Variants in ALDH3A1 observed in about 807,000 individuals in gnomAD.
ALDH3A1 encodes aldehyde dehydrogenase 3 family member A1, also known as aldehyde dehydrogenase, dimeric NADP-preferring.
ALDH3A1 carries 46 observed loss-of-function variants against 49.9 expected under a neutral mutation model. The observed-to-expected ratio is 0.92, with a 90% confidence interval of 0.73 to 1.18. The LOEUF (loss-of-function observed/expected upper bound fraction) is 1.18, where lower values mean the gene tolerates loss of function less well. Among genes scored for constraint, ALDH3A1 ranks in the 50% most tolerant of loss-of-function variants. ALDH3A1 has a pLI of 0.00. For missense variants in ALDH3A1, 592 were observed against 611.8 expected, an observed-to-expected ratio of 0.97 and a Z score of 0.34; for synonymous variants, 269 against 253.3, an observed-to-expected ratio of 1.06 and a Z score of -0.59.
chr17:19,740,365 C>T lies in ALDH3A1; in HGVS notation c.920G>A (p.Gly307Asp), dbSNP rs1204043910. ...GTAGCGAGTGGCGGCATCCCCGGTG[C>T]CCCCATAAGCCACCTTCTGGCCCTC... ...LIEGQKVAYGGTGDAATRYIA... is the reference protein window; with the variant it reads ...LIEGQKVAYGDTGDAATRYIA... The change falls in exon 7 of 11, where the codon GGC becomes GAC. Residue 307 changes from glycine to aspartate, a missense_variant. Coordinates refer to ENST00000225740, the MANE Select transcript of ALDH3A1 (RefSeq NM_000691.5). 6.2e-7 allele frequency: 1 copy of T among 1,614,006 alleles called. No homozygotes were observed. Among genetic ancestry groups the T allele is most frequent in the South Asian group, 1.1e-5 (1 of 91,086 alleles).
Position 19,743,684 on chromosome 17 carries a change from GT to G in ALDH3A1, c.163-222del, listed in dbSNP as rs1172579022. 7.1e-6 allele frequency: 7 copies of G among 985,262 alleles called. No individual in the cohort carries two copies. The highest frequency in any genetic ancestry group is 8.4e-6 in the Non-Finnish European group (7 of 829,908). The allele number at this position is 985,262 out of a possible 1,614,324, so 61.0% of individuals were successfully genotyped here. A position where few individuals can be genotyped will look rare whatever the true frequency, so the allele number is the denominator to read the frequency against. Reference sequence around the variant, plus strand: ...TTCTGCCAGAGGGGGGCCCAGGTAGGTTTGCGGCCCCAGGGGAGAGAGCCGG... The same window carrying G: ...TTCTGCCAGAGGGGGGCCCAGGTAGGTTGCGGCCCCAGGGGAGAGAGCCGG... On this transcript the variant is annotated intron_variant, in intron 2 of 10. Coordinates refer to ENST00000225740, the MANE Select transcript of ALDH3A1 (RefSeq NM_000691.5). The surrounding 1 kb of genome is among the most constrained non-coding windows in gnomAD (Gnocchi z 4.4).
chr17:19,739,607 C>A lies in ALDH3A1; in HGVS notation c.1017G>T (p.Val339=), dbSNP rs766272845. The part of the protein sequence containing the change: ...PVMQEEIFGP[V]LPIVCVRSLE... Reference sequence around the variant, plus strand: ...GGCTGCGCACGCACACGATGGGCAGCACAGGCCCGAAGATCTCCTCTTGCA... The same window carrying A: ...GGCTGCGCACGCACACGATGGGCAGAACAGGCCCGAAGATCTCCTCTTGCA... The change falls in exon 8 of 11, where the codon GTG becomes GTT. Residue 339 remains valine, a synonymous_variant. Coordinates refer to ENST00000225740, the MANE Select transcript of ALDH3A1 (RefSeq NM_000691.5). 3.7e-6 allele frequency: 6 copies of A among 1,613,880 alleles called. No individual in the cohort carries two copies. The South Asian group carries it at 6.6e-5, about 18-fold the overall frequency.
At chr17:19,741,654 C>T (rs941102569) in intron 5 of ALDH3A1, among the ~76,000 whole-genome samples, 1 of 152,172 alleles carries the variant, frequency 6.6e-6, no homozygotes, top group Non-Finnish European at 1.5e-5. Context: ...CTCAGATTGC[C>T]CTGCCCCATC....
At position 19,745,188 on chromosome 17, in the gene ALDH3A1, C is replaced by T. The variant is rs2086579857; in HGVS notation, c.-5-54G>A. Reference sequence around the variant, plus strand: ...TGAGGGGCACGAGCGCGCCCTGCCTCCCACCCTGCCTGAATTCTATAGGAA... The same window carrying T: ...TGAGGGGCACGAGCGCGCCCTGCCTTCCACCCTGCCTGAATTCTATAGGAA... On this transcript the variant is annotated intron_variant, in intron 1 of 10. Coordinates refer to ENST00000225740, the MANE Select transcript of ALDH3A1 (RefSeq NM_000691.5). 2.7e-6 allele frequency: 4 copies of T among 1,496,114 alleles called. No homozygotes were observed. In the Admixed American group the frequency reaches 8.3e-5, roughly 31 times the overall value. The allele number at this position is 1,496,114 out of a possible 1,614,324, so 92.7% of individuals were successfully genotyped here. A position where few individuals can be genotyped will look rare whatever the true frequency, so the allele number is the denominator to read the frequency against.
rs930638393 is a variant in ALDH3A1, at chr17:19,738,082, C to T, written c.*139G>A. ...TGGGCCCATGTGGGAGTGGGGTGTG[C>T]ACAGGTCAGCAGGTCAGCAGAGGAG... On this transcript the variant is annotated 3_prime_UTR_variant, in exon 11 of 11. Transcript: ENST00000225740. 2 of 1,577,180 alleles carry T rather than the reference C, an allele frequency of 1.3e-6. No homozygotes were observed. The highest frequency in any genetic ancestry group is 1.8e-5 in the Admixed American group (1 of 55,992).
Position 19,740,351 on chromosome 17 carries a change from C to T in ALDH3A1, c.934G>A (p.Ala312Thr), listed in dbSNP as rs201594817. The change falls in exon 7 of 11, where the codon GCC (alanine) becomes ACC (threonine). Residue 312 changes from alanine (A) to threonine (T), a missense_variant. Physicochemically the swap from Ala to Thr is moderately conservative, Grantham distance 58. Transcript: ENST00000225740. The stretch of plus-strand genomic sequence containing the variant: ...GGTCACGCACCTATGTAGCGAGTGG[C>T]GGCATCCCCGGTGCCCCCATAAGCC... ...KVAYGGTGDA[A>T]TRYIAPTILT... 1.3e-5 allele frequency: 21 copies of T among 1,613,874 alleles called. No individual in the cohort carries two copies. The African/African-American group carries it at 2.0e-4, about 15-fold the overall frequency.
In ALDH3A1 at chr17:19,745,117, T is replaced by A; in HGVS notation, c.13A>T (p.Ser5Cys). Residue 5 changes from serine to cysteine, a missense_variant, in exon 2 of 11, where the codon AGC (serine) becomes TGC (cysteine). Ser to Cys is a moderately radical substitution (Grantham distance 112). Transcript: ENST00000225740. Reference sequence around the variant, plus strand: ...GCGCGGGCGCGCTTCACGGCCTCGCTGATCTTGCTCATGGCGCCTGGGGAC... The same window carrying A: ...GCGCGGGCGCGCTTCACGGCCTCGCAGATCTTGCTCATGGCGCCTGGGGAC... The part of the protein sequence containing the change: MSKI[S>C]EAVKRARAAF... 6.3e-7 allele frequency: 1 copy of A among 1,580,088 alleles called. No individual in the cohort carries two copies. The highest frequency in any genetic ancestry group is 1.4e-5 in the African/African-American group (1 of 73,364).
chr17:19,740,069 G>A, intron 7 of ALDH3A1: 1 of 491,820 alleles, frequency 2.0e-6, no homozygotes, highest in Non-Finnish European at 3.6e-6. Context: ...TGTGGCTTCT[G>A]CTGTCCCTGC....
chr17:19,738,965 A>T, intron 9 of ALDH3A1, 31 bp downstream of exon 9: 1 of 1,595,920 alleles, frequency 6.3e-7, no homozygotes, highest in Non-Finnish European at 8.6e-7. Context: ...TGGGGCCCAG[A>T]GGGAGGCAGC....
chr17:19,743,196 T>C lies in ALDH3A1; in HGVS notation c.394+36A>G. 5.6e-6 allele frequency: 9 copies of C among 1,609,684 alleles called. No homozygotes were observed. The highest frequency in any genetic ancestry group is 7.6e-6 in the Non-Finnish European group (9 of 1,178,642). ...GGCTTGGCTCCACGCTGGGGGACGG[T>C]GCTCCCCCAGCTTCCCTTCCCACAG... On this transcript the variant is annotated intron_variant, in intron 3 of 10. Transcript: ENST00000225740. The surrounding 1 kb of genome is among the most constrained non-coding windows in gnomAD (Gnocchi z 4.4).
Position 19,744,972 on chromosome 17 carries a change from T to C in ALDH3A1, c.158A>G (p.His53Arg), listed in dbSNP as rs769856693. 5 of 1,435,046 alleles carry C rather than the reference T, an allele frequency of 3.5e-6. No individual in the cohort carries two copies. The highest frequency in any genetic ancestry group is 3.5e-5 in the South Asian group (3 of 86,806). The allele number at this position is 1,435,046 out of a possible 1,614,324, so 88.9% of individuals were successfully genotyped here. The change falls in exon 2 of 11, where the codon CAC (histidine) becomes CGC (arginine). Residue 53 changes from histidine to arginine, a missense_variant. His to Arg is a conservative substitution (Grantham distance 29, BLOSUM62 0). Transcript: ENST00000225740. ...GCGGCCGCCCAGCCTGAGCACCTTG[T>C]GCAGGTCTGCGGCCAGCGCGCCCAC... ...ELVGALAADL[H>R]KNEWNAYYEE...
chr17:19,744,895 T>TGCCCCGCCCC, intron 2 of ALDH3A1, 73 bp downstream of exon 2: 17 of 924,168 alleles, frequency 1.8e-5, no homozygotes, highest in Non-Finnish European at 1.7e-5. Context: ...GGTCGCACTC[T>TGCCCCGCCCC]CCCCAGCCCC....
chr17:19,739,956 A>G (rs1363052843), intron 7 of ALDH3A1, among the ~76,000 whole-genome samples: 3 of 152,086 alleles, frequency 2.0e-5, no homozygotes, highest in Non-Finnish European at 4.4e-5. Flanking sequence ...CCCTGCCAGA[A>G]TTCTCTTGTC....
At chr17:19,738,761 CA>C (rs1331232248) in intron 9 of ALDH3A1, among the ~76,000 whole-genome samples, 1 of 152,204 alleles carries the variant, frequency 6.6e-6, no homozygotes, top group East Asian at 1.9e-4. Flanking sequence ...TGGCCTGGGT[CA>C]CCTTTCTCAG....
chr17:19,743,068 C>T lies in ALDH3A1; in HGVS notation c.394+164G>A, dbSNP rs1210454286. 2.0e-6 allele frequency: 3 copies of T among 1,534,160 alleles called. No homozygotes were observed. The East Asian group carries it at 7.3e-5, about 38-fold the overall frequency. ...CTGAGCCTGACTGGACCTCAGGCAC[C>T]AAGAGGCCTGGCTAAACAGCTTGGT... On this transcript the variant is annotated intron_variant, in intron 3 of 10. Transcript: ENST00000225740. The surrounding 1 kb of genome is among the most constrained non-coding windows in gnomAD (Gnocchi z 4.4).
Position 19,743,018 on chromosome 17 carries a change from T to C in ALDH3A1, c.394+214A>G. On this transcript the variant is annotated intron_variant, in intron 3 of 10. Coordinates refer to ENST00000225740, the MANE Select transcript of ALDH3A1 (RefSeq NM_000691.5). This position sits in a 1 kb window ranked among gnomAD's most constrained non-coding sequence, Gnocchi z 4.4. ...AACAGGGGTGGGGGAAGGCAGGCCCTCTCTGTATCACCAGGTGTGGACACC... is the reference window on the plus strand; with the variant it reads ...AACAGGGGTGGGGGAAGGCAGGCCCCCTCTGTATCACCAGGTGTGGACACC... 2 of 1,532,126 alleles carry C rather than the reference T, an allele frequency of 1.3e-6. No individual in the cohort carries two copies. Among genetic ancestry groups the C allele is most frequent in the Non-Finnish European group, 1.7e-6 (2 of 1,145,122 alleles). 94.9% of individuals were successfully genotyped at this position (1,532,126 alleles called of 1,614,324 possible).
Position 19,741,995 on chromosome 17 carries a change from G to A in ALDH3A1, c.689+9C>T, listed in dbSNP as rs1276093186. ...GGACTGCTGCAGCCAGCAGGCCCGT[G>A]CCTCTCACCGGCAGGCCACGTCCAG... On this transcript the variant is annotated intron_variant, in intron 5 of 10. Coordinates refer to ENST00000225740, the MANE Select transcript of ALDH3A1 (RefSeq NM_000691.5). The A allele has an allele frequency of 2.5e-6, 4 of 1,613,496 alleles. No homozygotes were observed. Among genetic ancestry groups the A allele is most frequent in the South Asian group, 1.1e-5 (1 of 91,074 alleles).
chr17:19,745,081 A>C lies in ALDH3A1; in HGVS notation c.49T>G (p.Ser17Ala), dbSNP rs761145572. ...AACTGCAGCGGACGGGTCCTGCCCG[A>C]GCTGAAGGCGGCGCGGGCGCGCTTC... ...AVKRARAAFSSGRTRPLQFRI... is the reference protein window; with the variant it reads ...AVKRARAAFSAGRTRPLQFRI... The change falls in exon 2 of 11, where the codon TCG (serine) becomes GCG (alanine). Residue 17 changes from serine to alanine, a missense_variant. Physicochemically the swap from Ser to Ala is moderately conservative, Grantham distance 99. Coordinates refer to ENST00000225740, the MANE Select transcript of ALDH3A1 (RefSeq NM_000691.5). The C allele has an allele frequency of 3.5e-5, 56 of 1,591,448 alleles. No homozygotes were observed. The highest frequency in any genetic ancestry group is 4.7e-5 in the Non-Finnish European group (55 of 1,175,252).
At position 19,743,668 on chromosome 17, in the gene ALDH3A1, AG is replaced by A. The variant is rs931908494; in HGVS notation, c.163-206del. On this transcript the variant is annotated intron_variant, in intron 2 of 10. Coordinates refer to ENST00000225740, the MANE Select transcript of ALDH3A1 (RefSeq NM_000691.5). This position sits in a 1 kb window ranked among gnomAD's most constrained non-coding sequence, Gnocchi z 4.4. ...GTCTGAGAGGACCCCTTTCTGCCAG[AG>A]GGGGGCCCAGGTAGGTTTGCGGCCC... 1 of 985,042 alleles carries A rather than the reference AG, an allele frequency of 1.0e-6. No homozygotes were observed. The highest frequency in any genetic ancestry group is 4.7e-5 in the South Asian group (1 of 21,262). 61.0% of individuals were successfully genotyped at this position (985,042 alleles called of 1,614,324 possible).
Sources: allele counts gnomAD v4.1 joint callset (sites outside exome capture counted in the v4.1 genomes callset), GRCh38; gene constraint gnomAD v4.1.1; non-coding constraint Gnocchi (gnomAD v3.1); transcripts MANE v1.5; gene names NCBI Gene and HGNC (gene_info 2026-07-23, HGNC 2026-07-21).